ONECUT2: variants seen among roughly 807,000 people sequenced by gnomAD.
ONECUT2 encodes the protein one cut domain family member 2.
A neutral mutation model predicts 27.9 loss-of-function variants in ONECUT2; 10 were observed. The observed-to-expected ratio is 0.36, with a 90% confidence interval of 0.22 to 0.61. The LOEUF is 0.61. ONECUT2 is among the 20% of genes least tolerant of loss of function. ONECUT2 has a pLI of 0.73. For missense variants in ONECUT2, 686 were observed against 721.0 expected (o/e 0.95, Z 0.56); for synonymous variants, 334 against 315.1 (o/e 1.06, Z -0.64).
At chr18:57,451,606 C>T (rs999024055) in intron 1 of ONECUT2, among the ~76,000 whole-genome samples, 31 of 152,230 alleles carry the variant, frequency 2.0e-4, no homozygotes, top group Non-Finnish European at 3.2e-4. Context: ...AGCCCCACTC[C>T]TCCCTAACCA....
chr18:57,475,535 T>C (rs2050377484), intron 1 of ONECUT2, among the ~76,000 whole-genome samples: 1 of 152,070 alleles, frequency 6.6e-6, no homozygotes, highest in Non-Finnish European at 1.5e-5. Flanking sequence ...TATCCATGGC[T>C]CCAAAAAGAA....
At chr18:57,443,107 G>A (rs777484301) in intron 1 of ONECUT2, among the ~76,000 whole-genome samples, 23 of 152,246 alleles carry the variant, frequency 1.5e-4, no homozygotes, top group Non-Finnish European at 2.9e-5. Flanking sequence ...TCCATGGCTA[G>A]TGGCTGGATT....
chr18:57,439,517 G>A (rs1441822706), intron 1 of ONECUT2, among the ~76,000 whole-genome samples: 1 of 152,242 alleles, frequency 6.6e-6, no homozygotes, highest in Admixed American at 6.5e-5. Flanking sequence ...TTACATAGGA[G>A]GCTTTTCAGT....
At chr18:57,469,559 C>A (rs542464731) in intron 1 of ONECUT2, among the ~76,000 whole-genome samples, 3 of 152,318 alleles carry the variant, frequency 2.0e-5, no homozygotes, top group African/African-American at 7.2e-5. Flanking sequence ...GGATCTCTGA[C>A]ACGTATGTAA....
intron 1 of ONECUT2, among the ~76,000 whole-genome samples, chr18:57,470,533 G>A (rs1166881024): frequency 6.6e-6 from 1 of 152,112 alleles, no homozygotes; most frequent in African/African-American, 2.4e-5. Context: ...ACCTCACTGT[G>A]CCTTCAGTTC....
At position 57,484,198 on chromosome 18, in the gene ONECUT2, G is replaced by A. The variant is rs562262180; in HGVS notation, c.*7475G>A. 2.0e-5 allele frequency: 3 copies of A among 152,032 alleles called. No individual in the cohort carries two copies. In the South Asian group the frequency reaches 6.2e-4, roughly 32 times the overall value. The allele number at this position is 152,032 out of a possible 1,614,324, so 9.4% of individuals were successfully genotyped here. A position where few individuals can be genotyped will look rare whatever the true frequency, so the allele number is the denominator to read the frequency against. Reference sequence around the variant, plus strand: ...AAACAAAAAAGGAAAAAAACAAAAAGCAGAAAAAAGAAAAAAAAAATGAAA... The same window carrying A: ...AAACAAAAAAGGAAAAAAACAAAAAACAGAAAAAAGAAAAAAAAAATGAAA... On this transcript the variant is annotated 3_prime_UTR_variant, in exon 2 of 2. Transcript: ENST00000491143.
At chr18:57,451,521 C>CTA (rs1273484280) in intron 1 of ONECUT2, among the ~76,000 whole-genome samples, 1 of 152,196 alleles carries the variant, frequency 6.6e-6, no homozygotes, top group Admixed American at 6.5e-5. Context: ...TCACCAAAGG[C>CTA]TATACACTTC....
intron 1 of ONECUT2, among the ~76,000 whole-genome samples, chr18:57,441,993 G>C (rs2050177242): frequency 6.7e-6 from 1 of 149,492 alleles, no homozygotes; most frequent in Non-Finnish European, 1.5e-5. Flanking sequence ...TGGACGTCCT[G>C]GGCCGAGGCC....
intron 1 of ONECUT2, among the ~76,000 whole-genome samples, chr18:57,455,228 C>G (rs1452472411): frequency 6.6e-6 from 1 of 152,152 alleles, no homozygotes; most frequent in African/African-American, 2.4e-5. Flanking sequence ...TTGGTTCACA[C>G]CATCATCTTT....
intron 1 of ONECUT2, among the ~76,000 whole-genome samples, chr18:57,448,613 G>A (rs566998251): frequency 3.3e-5 from 5 of 152,284 alleles, no homozygotes; most frequent in African/African-American, 1.2e-4. Context: ...AGGAGTTGTT[G>A]GGTTCCACTG....
intron 1 of ONECUT2, among the ~76,000 whole-genome samples, chr18:57,461,155 GTTGCTGT>G (rs2050289169): frequency 6.6e-6 from 1 of 151,404 alleles, no homozygotes; most frequent in Non-Finnish European, 1.5e-5. Flanking sequence ...ATAGTTTAGT[GTTGCTGT>G]TTTTTTTTTA....
chr18:57,476,884 T>C lies in ONECUT2; in HGVS notation c.*161T>C, dbSNP rs142353523. On this transcript the variant is annotated 3_prime_UTR_variant, in exon 2 of 2. Coordinates refer to ENST00000491143, the MANE Select transcript of ONECUT2 (RefSeq NM_004852.3). ...GAAACTTATATTCTAGCTGTAATCA[T>C]AGGCCAGGTGTTCTTCTTTTGTTTT... 2.5e-6 allele frequency: 2 copies of C among 801,366 alleles called. No individual in the cohort carries two copies. Among genetic ancestry groups the C allele is most frequent in the East Asian group, 5.4e-5 (2 of 37,292 alleles). 49.6% of individuals were successfully genotyped at this position (801,366 alleles called of 1,614,324 possible).
rs1340205064 is a variant in ONECUT2 at position 57,476,810 on chromosome 18, C to G, written c.*87C>G. ...AACAAAGGAAAAAGACACCGGATTC[C>G]TAGCTGGGGCCCTTCACTGGTGATT... On this transcript the variant is annotated 3_prime_UTR_variant, in exon 2 of 2. Coordinates refer to ENST00000491143, the MANE Select transcript of ONECUT2 (RefSeq NM_004852.3). 1 of 1,417,880 alleles carries G rather than the reference C, an allele frequency of 7.1e-7. No individual in the cohort carries two copies. Among genetic ancestry groups the G allele is most frequent in the Non-Finnish European group, 9.5e-7 (1 of 1,051,928 alleles). 87.8% of individuals were successfully genotyped at this position (1,417,880 alleles called of 1,614,324 possible).
At chr18:57,472,888 A>G (rs946313633) in intron 1 of ONECUT2, among the ~76,000 whole-genome samples, 1 of 152,202 alleles carries the variant, frequency 6.6e-6, no homozygotes, top group African/African-American at 2.4e-5. Flanking sequence ...GCGTGAATTG[A>G]CAGAGGACCT....
intron 1 of ONECUT2, among the ~76,000 whole-genome samples, chr18:57,455,681 T>C (rs756429930): frequency 1.2e-4 from 19 of 152,168 alleles, no homozygotes; most frequent in Non-Finnish European, 2.1e-4. Flanking sequence ...TGATGGGGTC[T>C]GGTTACAGCT....
intron 1 of ONECUT2, among the ~76,000 whole-genome samples, chr18:57,460,099 A>AT (rs1049566139): frequency 1.3e-5 from 2 of 150,796 alleles, no homozygotes; most frequent in Non-Finnish European, 2.9e-5. Context: ...ATTTTATTTT[A>AT]TTTTTTTCAT....
chr18:57,467,061 G>A (rs546193055), intron 1 of ONECUT2: 14 of 410,316 alleles, frequency 3.4e-5, no homozygotes, highest in Non-Finnish European at 6.8e-5. Context: ...ATATAAGAAA[G>A]TCGTGAGACA....
chr18:57,466,733 T>C (rs2050323331), intron 1 of ONECUT2, among the ~76,000 whole-genome samples: 1 of 152,238 alleles, frequency 6.6e-6, no homozygotes, highest in South Asian at 2.1e-4. Context: ...TAGGTGACCC[T>C]AGCTGGGAGT....
rs756835787 is a variant in ONECUT2 at position 57,436,472 on chromosome 18, G to C, written c.756G>C (p.Pro252=). ...AQQSLPNYGP[P]GHDKMLSPNF... ...AGAGTCTGCCCAACTACGGTCCGCC[G>C]GGCCACGACAAAATGCTCAGCCCCA... Residue 252 remains proline (P), a synonymous_variant, in exon 1 of 2, where the codon CCG becomes CCC. Transcript: ENST00000491143. The surrounding 1 kb of genome is among the most constrained non-coding windows in gnomAD (Gnocchi z 5.9). The C allele has an allele frequency of 6.2e-7, 1 of 1,613,130 alleles. No individual in the cohort carries two copies.
Sources: allele counts gnomAD v4.1 joint callset (sites outside exome capture counted in the v4.1 genomes callset), GRCh38; gene constraint gnomAD v4.1.1; non-coding constraint Gnocchi (gnomAD v3.1); transcripts MANE v1.5; gene names NCBI Gene and HGNC (gene_info 2026-07-23, HGNC 2026-07-21).